The following WDFY3 variants were observed in gnomAD, a reference collection of about 807,000 sequenced individuals.
WDFY3 encodes the protein WD repeat and FYVE domain containing 3.
Under a neutral mutation model 409.6 loss-of-function variants are expected in WDFY3, and 66 were observed. The ratio of observed to expected loss-of-function variants is 0.16; its 90% confidence interval spans 0.13 to 0.20. The LOEUF is 0.20. Among genes scored for constraint, WDFY3 ranks in the 10% least tolerant of loss-of-function variants. The pLI is 1.00. For missense variants in WDFY3, 3,031 were observed against 4,298.1 expected (o/e 0.71, Z 8.24); for synonymous variants, 1,521 against 1,537.1 (o/e 0.99, Z 0.25).
chr4:84,690,456 CACAGGA>C, intron 61 of WDFY3, 44 bp downstream of exon 61: 2 of 1,613,230 alleles, frequency 1.2e-6, no homozygotes, highest in Non-Finnish European at 1.7e-6. Flanking sequence ...AGGGTGTAGG[CACAGGA>C]GATGGACTAT....
intron 25 of WDFY3, 98 bp downstream of exon 25, chr4:84,782,865 A>T: frequency 1.9e-6 from 2 of 1,042,330 alleles, no homozygotes; most frequent in Non-Finnish European, 2.9e-6. Context: ...CAGTGCTATT[A>T]AAATATGAAC....
chr4:84,856,162 G>A (rs1158489608), intron 4 of WDFY3, among the ~76,000 whole-genome samples: 1 of 152,146 alleles, frequency 6.6e-6, no homozygotes, highest in Non-Finnish European at 1.5e-5. Context: ...AAGTTTGGGT[G>A]ACCTCTCTCT....
intron 5 of WDFY3, among the ~76,000 whole-genome samples, chr4:84,842,728 C>T (rs558729017): frequency 5.3e-5 from 8 of 152,210 alleles, no homozygotes; most frequent in South Asian, 2.1e-4. Context: ...GTGCAGTGAG[C>T]GGAGATCACA....
At chr4:84,872,608 CAG>C (rs1762273642) in intron 3 of WDFY3, among the ~76,000 whole-genome samples, 1 of 152,026 alleles carries the variant, frequency 6.6e-6, no homozygotes, top group Non-Finnish European at 1.5e-5. Flanking sequence ...ACAAACATGA[CAG>C]ATATTTATCC....
intron 34 of WDFY3, among the ~76,000 whole-genome samples, chr4:84,754,124 C>T (rs940621563): frequency 1.5e-4 from 23 of 152,078 alleles, no homozygotes; most frequent in Admixed American, 1.4e-3. Context: ...AATCGCAGGT[C>T]TGCTAACTAG....
At position 84,820,137 on chromosome 4, in the gene WDFY3, T is replaced by A; in HGVS notation, c.1641A>T (p.Leu547Phe). Reference protein sequence around the residue: ...SSVEDQKHLALLVMETLTVLL... With the variant: ...SSVEDQKHLAFLVMETLTVLL... ...GCACTGTCAAGGTCTCCATAACCAA[T>A]AAAGCCAGGTGTTTTTGGTCTTCAA... The change falls in exon 12 of 68, where the codon TTA becomes TTT. Residue 547 changes from leucine (L) to phenylalanine (F), a missense_variant. Transcript: ENST00000295888. 6.2e-7 allele frequency: 1 copy of A among 1,608,662 alleles called. No individual in the cohort carries two copies. The highest frequency in any genetic ancestry group is 8.5e-7 in the Non-Finnish European group (1 of 1,176,728).
chr4:84,814,883 G>A (rs533554600), intron 13 of WDFY3, among the ~76,000 whole-genome samples: 1 of 151,900 alleles, frequency 6.6e-6, no homozygotes, highest in Admixed American at 6.6e-5. Flanking sequence ...CATTTCTGGG[G>A]GGTCTTAGAA....
intron 5 of WDFY3, among the ~76,000 whole-genome samples, chr4:84,842,561 C>T (rs1757520043): frequency 6.6e-6 from 1 of 151,802 alleles, no homozygotes; most frequent in South Asian, 2.1e-4. Context: ...CTCACGCCAC[C>T]AAGGTCAGGA....
chr4:84,680,017 A>G (rs1578108132), intron 64 of WDFY3, among the ~76,000 whole-genome samples: 2 of 151,864 alleles, frequency 1.3e-5, no homozygotes, highest in South Asian at 4.1e-4. Flanking sequence ...CAGCCTTGGA[A>G]GTAGCTAGGA....
chr4:84,766,308 C>T lies in WDFY3; in HGVS notation c.4914G>A (p.Leu1638=). The T allele has an allele frequency of 1.2e-6, 2 of 1,601,904 alleles. No individual in the cohort carries two copies. Among genetic ancestry groups the T allele is most frequent in the Non-Finnish European group, 1.7e-6 (2 of 1,175,754 alleles). ...TATAAATTAGTTTTAGCAAGATATC[C>T]AGAAGTCTGTTCCTCAAAAGTATAA... is the stretch of plus-strand genomic sequence containing the variant. The part of the protein sequence containing the change: ...ANLILLRNRL[L]DILLKLIYTS... Residue 1638 remains leucine, a synonymous_variant, in exon 31 of 68, where the codon CTG becomes CTA. Transcript: ENST00000295888.
intron 12 of WDFY3, among the ~76,000 whole-genome samples, chr4:84,818,790 C>A (rs1753674989): frequency 2.0e-5 from 3 of 152,040 alleles, no homozygotes; most frequent in Admixed American, 2.0e-4. Flanking sequence ...ATCTTTCATA[C>A]TGGGAAAAGA....
chr4:84,862,872 C>T (rs1760850647), intron 3 of WDFY3, among the ~76,000 whole-genome samples: 1 of 152,176 alleles, frequency 6.6e-6, no homozygotes, highest in African/African-American at 2.4e-5. Flanking sequence ...CGCCCACTCT[C>T]TCCAGCCCCT....
Position 84,810,301 on chromosome 4 carries a change from A to G in WDFY3, c.1931T>C (p.Val644Ala), listed in dbSNP as rs1214255094. The G allele has an allele frequency of 6.2e-7, 1 of 1,613,054 alleles. No individual in the cohort carries two copies. The highest frequency in any genetic ancestry group is 1.7e-5 in the Admixed American group (1 of 59,872). The change falls in exon 14 of 68, where the codon GTT becomes GCT. Residue 644 changes from valine (V) to alanine (A), a missense_variant. Around this residue, in one of 16 missense-constraint regions of WDFY3, gnomAD observed 1,322 missense variants for 1,697.9 expected, o/e 0.78. Transcript: ENST00000295888. ...CACAAATCCTCCAACTTTCCTAAAA[A>G]CTGTTCTTGAACGATGGCTTTCTCG... ...VLRESHRSRT[V>A]FRKVGGFVYI...
intron 43 of WDFY3, among the ~76,000 whole-genome samples, chr4:84,733,857 CAG>C (rs1375127579): frequency 6.6e-6 from 1 of 152,122 alleles, no homozygotes; most frequent in Admixed American, 6.5e-5. Flanking sequence ...TATAGTGAAA[CAG>C]AGAGTTGAAA....
rs1440922079 is a variant in WDFY3 at position 84,966,332 on chromosome 4, G to A, written c.-349C>T. On this transcript the variant is annotated 5_prime_UTR_variant, in exon 1 of 68. Transcript: ENST00000295888. The stretch of plus-strand genomic sequence containing the variant: ...GCGACCGGCGCGACGTCCGCGGCGG[G>A]GCCCGGGAGCCCCGCGCCGCGGGCC... 5 of 149,246 alleles carry A rather than the reference G, an allele frequency of 3.4e-5. No individual in the cohort carries two copies. The highest frequency in any genetic ancestry group is 1.2e-4 in the African/African-American group (5 of 41,002). 9.2% of individuals were successfully genotyped at this position (149,246 alleles called of 1,614,324 possible). A position where few individuals can be genotyped will look rare whatever the true frequency, so the allele number is the denominator to read the frequency against.
chr4:84,800,423 A>G (rs1009420169), intron 17 of WDFY3, among the ~76,000 whole-genome samples: 3 of 152,222 alleles, frequency 2.0e-5, no homozygotes, highest in African/African-American at 7.2e-5. Flanking sequence ...TATATGAATC[A>G]TTCAAGAAAT....
intron 1 of WDFY3, among the ~76,000 whole-genome samples, chr4:84,935,234 T>C (rs904103276): frequency 6.6e-6 from 1 of 152,210 alleles, no homozygotes; most frequent in African/African-American, 2.4e-5. Flanking sequence ...CTTAAGTACA[T>C]GCCTAAGAGT....
Position 84,831,383 on chromosome 4 carries a change from G to C in WDFY3, c.769+30C>G, listed in dbSNP as rs903797921. 7 of 1,390,174 alleles carry C rather than the reference G, an allele frequency of 5.0e-6. No homozygotes were observed. The African/African-American group carries it at 1.0e-4, about 20-fold the overall frequency. The allele number at this position is 1,390,174 out of a possible 1,614,324, so 86.1% of individuals were successfully genotyped here. On this transcript the variant is annotated intron_variant, in intron 8 of 67. Transcript: ENST00000295888. ...AATGAAGAAAAGTGGAAGAAATTTAGAACACTTAAATATATAAAGAGATAT... is the reference window on the plus strand; with the variant it reads ...AATGAAGAAAAGTGGAAGAAATTTACAACACTTAAATATATAAAGAGATAT...
chr4:84,786,481 C>G (rs767562513), intron 23 of WDFY3, among the ~76,000 whole-genome samples: 1 of 152,126 alleles, frequency 6.6e-6, no homozygotes, highest in Non-Finnish European at 1.5e-5. Context: ...GAATAAAATG[C>G]TGATCAGCCA....
Sources: gnomAD v4.1 joint callset for allele counts (sites outside exome capture counted in the v4.1 genomes callset) on GRCh38, gnomAD v4.1.1 for gene constraint, gnomAD v4.1.1 regional missense constraint, MANE v1.5 for transcripts, NCBI Gene and HGNC (gene_info 2026-07-23, HGNC 2026-07-21) for gene names.